The following STAT5B variants were observed in gnomAD, a reference collection of about 807,000 sequenced individuals.
STAT5B encodes signal transducer and activator of transcription 5B, also known as transcription factor STAT5B.
A neutral mutation model predicts 107.8 loss-of-function variants in STAT5B; 21 were observed. The observed-to-expected ratio is 0.19, with a 90% CI of 0.14 to 0.28. The LOEUF (loss-of-function observed/expected upper bound fraction) is 0.28, where lower values mean the gene tolerates loss of function less well. STAT5B is among the 10% of genes least tolerant of loss of function. The pLI, the probability that STAT5B is intolerant of heterozygous loss-of-function variation, is 1.00. For missense variants in STAT5B, 565 were observed against 1,008.2 expected, an observed-to-expected ratio of 0.56 and a Z score of 5.95; for synonymous variants, 325 against 401.7, an observed-to-expected ratio of 0.81 and a Z score of 2.28.
At chr17:42,235,641 C>T (rs539678987) in intron 1 of STAT5B, among the ~76,000 whole-genome samples, 1 of 152,200 alleles carries the variant, frequency 6.6e-6, no homozygotes, top group Non-Finnish European at 1.5e-5. Context: ...CCACGCCCAG[C>T]TAAGTTTTGT....
At chr17:42,279,553 C>T (rs556779333), upstream of STAT5B, among the ~76,000 whole-genome samples, 6 of 152,218 alleles carry the variant, frequency 3.9e-5, no homozygotes, top group Admixed American at 6.5e-5. Context: ...TTTAGGAGGC[C>T]GAGGCGGGTG....
intron 15 of STAT5B, among the ~76,000 whole-genome samples, chr17:42,209,852 C>T (rs1407758071): frequency 6.6e-6 from 1 of 152,162 alleles, no homozygotes; most frequent in African/African-American, 2.4e-5. Context: ...CAGAGTAGTA[C>T]AATAAGGCAA....
rs554281946 is a variant in STAT5B at position 42,247,450 on chromosome 17, A to C, written c.-10-15313T>G. Among the ~76,000 whole-genome samples, 26 of 152,364 alleles carry C rather than the reference A, an allele frequency of 1.7e-4. No homozygotes were observed. The South Asian group carries it at 5.2e-3, about 30-fold the overall frequency. On this transcript the variant is annotated intron_variant, in intron 1 of 18. Coordinates refer to ENST00000293328, the MANE Select transcript of STAT5B (RefSeq NM_012448.4). ...AACTGAACTGAATATGTTTTAGTTA[A>C]AACAATACAAAACTGAAATCTCCTC...
intron 1 of STAT5B, among the ~76,000 whole-genome samples, chr17:42,245,942 A>T (rs542499046): frequency 6.6e-6 from 1 of 152,334 alleles, no homozygotes; most frequent in East Asian, 1.9e-4. Flanking sequence ...TACAGATGTG[A>T]GCCATCACAC....
At chr17:42,222,854 T>C (rs2080242076) in intron 5 of STAT5B, among the ~76,000 whole-genome samples, 1 of 151,828 alleles carries the variant, frequency 6.6e-6, no homozygotes, top group Non-Finnish European at 1.5e-5. Context: ...CCAGCTAATT[T>C]TGTATTTTTA....
intron 1 of STAT5B, among the ~76,000 whole-genome samples, chr17:42,240,919 G>C (rs1004236389): frequency 2.0e-5 from 3 of 152,232 alleles, no homozygotes; most frequent in Admixed American, 6.5e-5. Context: ...AGGGCTGGGT[G>C]ACAGATCAAA....
At chr17:42,242,890 G>A (rs2080416334) in intron 1 of STAT5B, among the ~76,000 whole-genome samples, 1 of 152,062 alleles carries the variant, frequency 6.6e-6, no homozygotes, top group South Asian at 2.1e-4. Flanking sequence ...TAAGGGCGGT[G>A]CAAGATGTGC....
chr17:42,252,494 T>C (rs1252156762), intron 1 of STAT5B, among the ~76,000 whole-genome samples: 1 of 152,230 alleles, frequency 6.6e-6, no homozygotes, highest in Non-Finnish European at 1.5e-5. Context: ...GTACTTGATA[T>C]ACATGGTTGG....
At position 42,227,537 on chromosome 17, in the gene STAT5B, G is replaced by C; in HGVS notation, c.277C>G (p.Gln93Glu). ...CCAGAGCCCACACCCACCTGGAGCTGTGTGGCATAGTGCCCCAGCTTGATC... is the reference window on the plus strand; with the variant it reads ...CCAGAGCCCACACCCACCTGGAGCTCTGTGGCATAGTGCCCCAGCTTGATC... ...LKIKLGHYAT[Q>E]LQNTYDRCPM... The change falls in exon 3 of 19, where the codon CAG becomes GAG. Residue 93 changes from glutamine (Q) to glutamate (E), a missense_variant. This residue lies in a region of STAT5B where 83 missense variants were observed against 145.1 expected (regional missense o/e 0.57). Coordinates refer to ENST00000293328, the MANE Select transcript of STAT5B (RefSeq NM_012448.4). 1.9e-6 allele frequency: 3 copies of C among 1,613,290 alleles called. No homozygotes were observed. Among genetic ancestry groups the C allele is most frequent in the African/African-American group, 2.7e-5 (2 of 75,002 alleles).
chr17:42,262,968 GTGTA>G (rs1314798212), intron 1 of STAT5B, among the ~76,000 whole-genome samples: 440 of 32,634 alleles, frequency 0.013, 1 homozygote, highest in Non-Finnish European at 0.018. Flanking sequence ...GTGTGTGTGT[GTGTA>G]TATATATATA....
Position 42,216,007 on chromosome 17 carries a change from C to T in STAT5B, c.1473+7G>A. On this transcript the variant is annotated splice_region_variant and intron_variant, in intron 12 of 18. Transcript: ENST00000293328. ...TTGGGACCCACATGCCCGAGGAATA[C>T]ACTCACAGGCTCTGCAAAAGCATTG... The T allele has an allele frequency of 3.7e-6, 6 of 1,613,852 alleles. No individual in the cohort carries two copies. Among genetic ancestry groups the T allele is most frequent in the Non-Finnish European group, 4.2e-6 (5 of 1,179,848 alleles).
intron 1 of STAT5B, chr17:42,271,896 C>T (rs2080724815): frequency 6.6e-6 from 1 of 152,130 alleles, no homozygotes; most frequent in East Asian, 1.9e-4. Flanking sequence ...TTGAATTGTA[C>T]ATAATTGTGC....
chr17:42,202,491 G>C (rs1284558945), intron 17 of STAT5B, 44 bp from the exon 18 acceptor site: 3 of 1,606,232 alleles, frequency 1.9e-6, no homozygotes, highest in Admixed American at 1.7e-5. Context: ...AGGGAGGCCA[G>C]GGCAGCTGAC....
In STAT5B at chr17:42,223,640, C is replaced by T. The variant is rs7213630; in HGVS notation, c.376-84G>A. The T allele has an allele frequency of 2.6e-3, 4,001 of 1,553,282 alleles. 76 individuals are homozygous for T. In the African/African-American group the frequency reaches 0.046, roughly 18 times the overall value. On this transcript the variant is annotated intron_variant, in intron 4 of 18. Transcript: ENST00000293328. ...AATCCCCAGGAAAAGCCAGCTCCTA[C>T]AACCAGGGTAAGACCCCAAAAGGTA... is the stretch of plus-strand genomic sequence containing the variant.
chr17:42,220,906 C>G (rs2080220295), intron 5 of STAT5B, among the ~76,000 whole-genome samples: 1 of 151,684 alleles, frequency 6.6e-6, no homozygotes, highest in Non-Finnish European at 1.5e-5. Flanking sequence ...CACCGCAGGC[C>G]CACCCCACCC....
At chr17:42,201,992 G>T in intron 18 of STAT5B, 128 bp from the exon 19 acceptor site, 5 of 870,256 alleles carry the variant, frequency 5.7e-6, no homozygotes, top group Middle Eastern at 3.1e-4. Flanking sequence ...CATGGGAAAA[G>T]AACAACCATT....
the STAT5B span, among the ~76,000 whole-genome samples, chr17:42,282,724 C>A: frequency 2.6e-5 from 4 of 152,212 alleles, no homozygotes; most frequent in African/African-American, 9.7e-5. Context: ...GAGGCAGACT[C>A]ACTCACTCAA....
rs1041785094 is a variant in STAT5B at position 42,200,013 on chromosome 17, G to C, written c.*1725C>G. 2.0e-5 allele frequency: 3 copies of C among 152,672 alleles called. No individual in the cohort carries two copies. The highest frequency in any genetic ancestry group is 4.4e-5 in the Non-Finnish European group (3 of 68,052). The allele number at this position is 152,672 out of a possible 1,614,324, so 9.5% of individuals were successfully genotyped here. ...GGTTGGAATTTTCATCAAATCTTGA[G>C]GGGTAGGGAGGGGCTGAGTGGGATG... On this transcript the variant is annotated 3_prime_UTR_variant, in exon 19 of 19. Transcript: ENST00000293328.
chr17:42,262,817 T>TATATATGTGTGTATATATACACAC (rs2080615236), intron 1 of STAT5B, among the ~76,000 whole-genome samples: 1 of 103,230 alleles, frequency 9.7e-6, no homozygotes, highest in African/African-American at 4.2e-5. Flanking sequence ...TATACACACA[T>TATATATGTGTGTATATATACACAC]ATATATGTGT....
Sources: gnomAD v4.1 joint callset for allele counts (sites outside exome capture counted in the v4.1 genomes callset) on GRCh38, gnomAD v4.1.1 for gene constraint, gnomAD v4.1.1 regional missense constraint, MANE v1.5 for transcripts, NCBI Gene and HGNC (gene_info 2026-07-23, HGNC 2026-07-21) for gene names.